SNX14: variants seen among roughly 807,000 people sequenced by gnomAD.
The protein encoded by SNX14 is sorting nexin-14.
A neutral mutation model predicts 133.8 loss-of-function variants in SNX14; 93 were observed. That is an observed-to-expected ratio of 0.70 (90% confidence interval 0.59 to 0.83). SNX14 has a LOEUF of 0.83. Among genes scored for constraint, SNX14 ranks in the 40% least tolerant of loss-of-function variants. The probability of loss-of-function intolerance (pLI) is 0.00; values close to 1 mark genes in which losing one functional copy is unlikely to be tolerated. For missense variants in SNX14, 945 were observed against 1,094.9 expected, an observed-to-expected ratio of 0.86 and a Z score of 1.93; for synonymous variants, 368 against 365.6, an observed-to-expected ratio of 1.01 and a Z score of -0.07.
intron 26 of SNX14, chr6:85,508,505 G>T: frequency 4.8e-6 from 2 of 417,050 alleles, no homozygotes; most frequent in Non-Finnish European, 3.2e-6. Context: ...TCTACCCAGT[G>T]GGCAGAAGAT....
intron 1 of SNX14, among the ~76,000 whole-genome samples, chr6:85,588,068 T>C (rs922829313): frequency 6.6e-6 from 1 of 152,038 alleles, no homozygotes; most frequent in Non-Finnish European, 1.5e-5. Flanking sequence ...GGCAAGTGGA[T>C]CTCCTGAGGT....
In SNX14 at chr6:85,593,676, G is replaced by T. The variant is rs916166950; in HGVS notation, c.43C>A (p.Arg15=). 1 of 1,613,502 alleles carries T rather than the reference G, an allele frequency of 6.2e-7. No homozygotes were observed. The highest frequency in any genetic ancestry group is 1.7e-5 in the Admixed American group (1 of 60,006). The change falls in exon 1 of 29, where the codon CGG becomes AGG. Residue 15 remains arginine, a synonymous_variant. Coordinates refer to ENST00000314673, the MANE Select transcript of SNX14 (RefSeq NM_153816.6). ...TCGCGTCCCACGTCCAGTCGCAGCC[G>T]CTGCTTCAGCTTCTGCCCCATCGTC... ...VRTMGQKLKQ[R]LRLDVGREIC... is the part of the protein sequence containing the mutation.
At chr6:85,586,142 A>G (rs2128235503) in intron 1 of SNX14, among the ~76,000 whole-genome samples, 1 of 152,322 alleles carries the variant, frequency 6.6e-6, no homozygotes, top group African/African-American at 2.4e-5. Context: ...TTCCTCAACA[A>G]GTCAATGGCA....
chr6:85,569,757 A>G (rs1302608557), intron 4 of SNX14, among the ~76,000 whole-genome samples: 2 of 152,240 alleles, frequency 1.3e-5, no homozygotes, highest in Non-Finnish European at 2.9e-5. Context: ...AAAATTATCA[A>G]TAATAGTACC....
At chr6:85,565,714 C>T (rs2128168936) in intron 5 of SNX14, among the ~76,000 whole-genome samples, 1 of 152,188 alleles carries the variant, frequency 6.6e-6, no homozygotes, top group Non-Finnish European at 1.5e-5. Flanking sequence ...TTCTAAGCAA[C>T]ACCAAAGAAA....
At chr6:85,542,886 C>T (rs1784260377) in intron 14 of SNX14, among the ~76,000 whole-genome samples, 1 of 152,132 alleles carries the variant, frequency 6.6e-6, no homozygotes, top group Non-Finnish European at 1.5e-5. Flanking sequence ...CCTGCCTCAG[C>T]CTCCTGAGTA....
chr6:85,514,658 A>T (rs1193300727), intron 23 of SNX14, 29 bp from the exon 24 acceptor site: 17 of 1,586,020 alleles, frequency 1.1e-5, no homozygotes, highest in Non-Finnish European at 1.5e-5. Context: ...TAATAAAGAG[A>T]TATATAGTTT....
chr6:85,567,233 T>C (rs1020848684), intron 5 of SNX14, among the ~76,000 whole-genome samples: 5 of 152,234 alleles, frequency 3.3e-5, no homozygotes, highest in African/African-American at 1.2e-4. Context: ...CCTACATCAG[T>C]GGTTCTTAAC....
rs765104516 is a variant in SNX14 at position 85,547,537 on chromosome 6, T to C, written c.881A>G (p.His294Arg). 63 of 1,602,846 alleles carry C rather than the reference T, an allele frequency of 3.9e-5. No individual in the cohort carries two copies. Among genetic ancestry groups the C allele is most frequent in the Non-Finnish European group, 5.0e-5 (59 of 1,176,152 alleles). Residue 294 changes from histidine to arginine, a missense_variant, in exon 10 of 29, where the codon CAT (histidine) becomes CGT (arginine). By Grantham distance (29) the His-to-Arg change is conservative. This residue lies in a region of SNX14 where 514 missense variants were observed against 538.8 expected (regional missense o/e 0.95). Coordinates refer to ENST00000314673, the MANE Select transcript of SNX14 (RefSeq NM_153816.6). ...DFLADPDTVNHLLIIFIDDSP... is the reference protein window; with the variant it reads ...DFLADPDTVNRLLIIFIDDSP... Reference sequence around the variant, plus strand: ...GTCATCTATGAAGATGATAAGCAAATGATTCACAGTATCCTAGTGGAAAAT... The same window carrying C: ...GTCATCTATGAAGATGATAAGCAAACGATTCACAGTATCCTAGTGGAAAAT...
At chr6:85,521,016 G>A (rs1776687194) in intron 21 of SNX14, among the ~76,000 whole-genome samples, 1 of 152,192 alleles carries the variant, frequency 6.6e-6, no homozygotes, top group Non-Finnish European at 1.5e-5. Flanking sequence ...ATTTTTCCAA[G>A]TAGTTTTTCA....
intron 1 of SNX14, chr6:85,581,173 G>A (rs1798951737): frequency 6.6e-6 from 1 of 152,238 alleles, no homozygotes; most frequent in South Asian, 2.1e-4. Flanking sequence ...AGGAAAGTGG[G>A]AGAAGAGAAC....
At position 85,571,819 on chromosome 6, in the gene SNX14, C is replaced by A. The variant is rs774162181; in HGVS notation, c.417+318G>T. On this transcript the variant is annotated intron_variant, in intron 4 of 28. Coordinates refer to ENST00000314673, the MANE Select transcript of SNX14 (RefSeq NM_153816.6). ...AAGCTATATATTGATTTGCTCCTTG[C>A]AGTCCAGGGTTCCTTTTGGAATTAC... Among the ~76,000 whole-genome samples, 18 of 152,292 alleles carry A rather than the reference C, an allele frequency of 1.2e-4. No individual in the cohort carries two copies. In the East Asian group the frequency reaches 3.5e-3, roughly 29 times the overall value.
intron 26 of SNX14, among the ~76,000 whole-genome samples, chr6:85,512,276 C>A (rs1773144669): frequency 6.6e-6 from 1 of 152,096 alleles, no homozygotes; most frequent in South Asian, 2.1e-4. Context: ...GATTTTTCTC[C>A]AATATTCACT....
intron 1 of SNX14, among the ~76,000 whole-genome samples, chr6:85,587,100 C>T (rs1801136212): frequency 1.3e-5 from 2 of 151,644 alleles, no homozygotes; most frequent in African/African-American, 4.8e-5. Context: ...GGTTCATCTC[C>T]AACTCCTGGC....
In SNX14 at chr6:85,581,042, G is replaced by A. The variant is rs562526257; in HGVS notation, c.141-6664C>T. On this transcript the variant is annotated intron_variant, in intron 1 of 28. Transcript: ENST00000314673. ...CAGTGGGCCTTGGATGAGACCCAGCGCCTGTGCTGGCTTCAGGTCTGACTC... is the reference window on the plus strand; with the variant it reads ...CAGTGGGCCTTGGATGAGACCCAGCACCTGTGCTGGCTTCAGGTCTGACTC... 6.6e-5 allele frequency among the ~76,000 whole-genome samples: 10 copies of A among 152,196 alleles called. 1 individual carries two copies. The highest frequency in any genetic ancestry group is 4.1e-4 in the South Asian group (2 of 4,820).
chr6:85,586,821 G>A (rs764003765), intron 1 of SNX14, among the ~76,000 whole-genome samples: 2 of 152,002 alleles, frequency 1.3e-5, no homozygotes, highest in African/African-American at 2.4e-5. Context: ...CAGATCACTT[G>A]AGGTCAGGAG....
intron 18 of SNX14, among the ~76,000 whole-genome samples, chr6:85,532,631 C>G (rs1780637284): frequency 6.6e-6 from 1 of 152,204 alleles, no homozygotes; most frequent in South Asian, 2.1e-4. Flanking sequence ...TTCTGCTCAT[C>G]ATTCTCTAAA....
At chr6:85,559,592 C>A (rs1161966042) in intron 6 of SNX14, among the ~76,000 whole-genome samples, 4 of 152,132 alleles carry the variant, frequency 2.6e-5, no homozygotes, top group Non-Finnish European at 5.9e-5. Context: ...ATGACCAAGG[C>A]CTAATCTTTT....
At chr6:85,558,972 C>A (rs1790669000) in intron 6 of SNX14, among the ~76,000 whole-genome samples, 1 of 151,282 alleles carries the variant, frequency 6.6e-6, no homozygotes, top group South Asian at 2.1e-4. Context: ...ATAAATAAAT[C>A]AACAAAAAGC....
Sources: allele counts gnomAD v4.1 joint callset (sites outside exome capture counted in the v4.1 genomes callset), GRCh38; gene constraint gnomAD v4.1.1; regional missense constraint gnomAD v4.1.1; transcripts MANE v1.5; gene names NCBI Gene and HGNC (gene_info 2026-07-23, HGNC 2026-07-21).